NKAIN2: variants seen among roughly 807,000 people sequenced by gnomAD.
NKAIN2 encodes sodium/potassium-transporting ATPase subunit beta-1-interacting protein 2.
Under a neutral mutation model 32.6 loss-of-function variants are expected in NKAIN2, and 14 were observed. The ratio of observed to expected loss-of-function variants is 0.43; its 90% confidence interval spans 0.28 to 0.67. The LOEUF is 0.67. Among genes scored for constraint, NKAIN2 ranks in the 30% least tolerant of loss-of-function variants. NKAIN2 has a pLI of 0.17. For synonymous variants in NKAIN2, 80 were observed against 87.2 expected, an observed-to-expected ratio of 0.92 and a Z score of 0.46; for missense variants, 198 against 258.3, an observed-to-expected ratio of 0.77 and a Z score of 1.60.
At chr6:124,784,429 A>G (rs1003181513) in intron 4 of NKAIN2, among the ~76,000 whole-genome samples, 1 of 151,958 alleles carries the variant, frequency 6.6e-6, no homozygotes, top group Non-Finnish European at 1.5e-5. Context: ...CCTGTTCTCG[A>G]TTTCTACAGT....
intron 3 of NKAIN2, among the ~76,000 whole-genome samples, chr6:124,478,307 A>C (rs1777310780): frequency 1.3e-5 from 2 of 152,220 alleles, no homozygotes; most frequent in Non-Finnish European, 2.9e-5. Context: ...TGCTCTATTT[A>C]TCAAGCCAAA....
At chr6:124,250,852 A>T (rs1793662407) in intron 1 of NKAIN2, among the ~76,000 whole-genome samples, 1 of 152,060 alleles carries the variant, frequency 6.6e-6, no homozygotes, top group South Asian at 2.1e-4. Context: ...AGAGTAGACT[A>T]ATGGGCAAAA....
At chr6:124,801,563 C>G (rs1276336605) in intron 5 of NKAIN2, among the ~76,000 whole-genome samples, 1 of 152,198 alleles carries the variant, frequency 6.6e-6, no homozygotes, top group African/African-American at 2.4e-5. Flanking sequence ...AATTATTGAG[C>G]AACTACTGGG....
chr6:124,231,057 G>A (rs1224734745), intron 1 of NKAIN2, among the ~76,000 whole-genome samples: 10 of 152,226 alleles, frequency 6.6e-5, no homozygotes, highest in African/African-American at 2.4e-4. Flanking sequence ...AAAACTGCAG[G>A]GGCAGAGCTA....
chr6:124,587,203 A>C (rs1017851286), intron 3 of NKAIN2, among the ~76,000 whole-genome samples: 4 of 152,120 alleles, frequency 2.6e-5, no homozygotes, highest in African/African-American at 9.7e-5. Flanking sequence ...TTTGTTAAAA[A>C]AGGAGGGGTA....
chr6:124,404,368 G>T (rs191879096), intron 3 of NKAIN2, among the ~76,000 whole-genome samples: 1 of 152,264 alleles, frequency 6.6e-6, no homozygotes, highest in East Asian at 1.9e-4. Context: ...CTATGCCCTA[G>T]CCAAGAGAAG....
intron 2 of NKAIN2, among the ~76,000 whole-genome samples, chr6:124,349,268 A>G (rs924431792): frequency 6.6e-6 from 1 of 152,054 alleles, no homozygotes; most frequent in African/African-American, 2.4e-5. Flanking sequence ...AGGTTACCAC[A>G]CAGGAAGAGG....
intron 3 of NKAIN2, among the ~76,000 whole-genome samples, chr6:124,425,325 G>A (rs759229507): frequency 2.6e-5 from 4 of 151,954 alleles, no homozygotes; most frequent in Non-Finnish European, 4.4e-5. Flanking sequence ...AATTCGAAAT[G>A]GGTTAAAGAC....
rs191890278 is a variant in NKAIN2 at position 124,615,859 on chromosome 6, A to G, written c.274-42327A>G. ...ATGTTCAATGACTTGTTTCTCTGCC[A>G]TCTTCAATCTGCTATTGTGTTCAGT... On this transcript the variant is annotated intron_variant, in intron 3 of 6. Transcript: ENST00000368417. Among the ~76,000 whole-genome samples, 81 of 152,262 alleles carry G rather than the reference A, an allele frequency of 5.3e-4. 1 individual carries two copies. The highest frequency in any genetic ancestry group is 1.9e-3 in the African/African-American group (78 of 41,560).
chr6:124,203,267 TC>T (rs2114632566), intron 1 of NKAIN2, among the ~76,000 whole-genome samples: 1 of 152,014 alleles, frequency 6.6e-6, no homozygotes, highest in Admixed American at 6.6e-5. Flanking sequence ...ATCAGTGATA[TC>T]CAATGGCTGA....
In NKAIN2 at chr6:123,911,810, T is replaced by TACAC. The variant is rs1375455189; in HGVS notation, c.54+107557_54+107558insCACA. ...ATATATATATATATATGTATATATA[T>TACAC]ATACACACACACACACACACACACA... On this transcript the variant is annotated intron_variant, in intron 1 of 6. Coordinates refer to ENST00000368417, the MANE Select transcript of NKAIN2 (RefSeq NM_001040214.3). Among the ~76,000 whole-genome samples, 137 of 94,290 alleles carry TACAC rather than the reference T, an allele frequency of 1.5e-3. 6 individuals carry two copies. The highest frequency in any genetic ancestry group is 5.1e-3 in the African/African-American group (90 of 17,748). 61.9% of individuals were successfully genotyped at this position (94,290 alleles called of 152,430 possible).
chr6:124,804,037 T>C (rs1780400230), intron 5 of NKAIN2, among the ~76,000 whole-genome samples: 1 of 152,146 alleles, frequency 6.6e-6, no homozygotes, highest in South Asian at 2.1e-4. Context: ...CTCAGAGCAA[T>C]TGTGACCTGA....
chr6:123,970,617 G>A (rs1374184803), intron 1 of NKAIN2, among the ~76,000 whole-genome samples: 1 of 152,048 alleles, frequency 6.6e-6, no homozygotes, highest in Non-Finnish European at 1.5e-5. Context: ...GGTGGCTCAT[G>A]TCTGTAATCC....
chr6:124,245,262 G>T (rs2626108), intron 1 of NKAIN2, among the ~76,000 whole-genome samples: 66,418 of 151,848 alleles, frequency 0.44, 16,932 homozygotes, highest in African/African-American at 0.71. Flanking sequence ...TCACATTTTA[G>T]CACTTCAGTG....
chr6:124,299,083 G>GCT (rs1330718931), intron 2 of NKAIN2, among the ~76,000 whole-genome samples: 19 of 152,334 alleles, frequency 1.2e-4, no homozygotes, highest in Admixed American at 3.3e-4. Flanking sequence ...AGACACTGAT[G>GCT]CTCTGTTACA....
chr6:124,557,389 G>A (rs371829023), intron 3 of NKAIN2, among the ~76,000 whole-genome samples: 25 of 151,986 alleles, frequency 1.6e-4, no homozygotes, highest in African/African-American at 2.4e-4. Flanking sequence ...ATAGCCCTGC[G>A]CTAAAAAGGC....
intron 4 of NKAIN2, 160 bp downstream of exon 4, chr6:124,658,546 A>C (rs1583596232): frequency 6.9e-7 from 1 of 1,459,718 alleles, no homozygotes. Context: ...GTTAAACTAA[A>C]CCATCCTCTG....
At chr6:124,499,113 A>C (rs1036554502) in intron 3 of NKAIN2, among the ~76,000 whole-genome samples, 10 of 152,084 alleles carry the variant, frequency 6.6e-5, no homozygotes, top group Admixed American at 6.5e-4. Flanking sequence ...TGTTAATCCA[A>C]TCTCTTCATG....
At chr6:124,813,766 A>G (rs935707789) in intron 5 of NKAIN2, among the ~76,000 whole-genome samples, 3 of 152,184 alleles carry the variant, frequency 2.0e-5, no homozygotes, top group Non-Finnish European at 4.4e-5. Flanking sequence ...AGTATTTTGT[A>G]ATTTGGGGAA....
Sources: allele counts gnomAD v4.1 joint callset (sites outside exome capture counted in the v4.1 genomes callset), GRCh38; gene constraint gnomAD v4.1.1; transcripts MANE v1.5; gene names NCBI Gene and HGNC (gene_info 2026-07-23, HGNC 2026-07-21).